GOLM1: variants seen among roughly 807,000 people sequenced by gnomAD.
GOLM1 encodes the protein golgi membrane protein 1, also known as epididymis luminal protein 46.
A neutral mutation model predicts 50.5 loss-of-function variants in GOLM1; 31 were observed. The ratio of observed to expected loss-of-function variants is 0.61; its 90% CI spans 0.46 to 0.83. GOLM1 has a LOEUF of 0.83. Among genes scored for constraint, GOLM1 ranks in the 40% least tolerant of loss-of-function variants. The pLI, the probability that GOLM1 is intolerant of heterozygous loss-of-function variation, is 0.00. For synonymous variants in GOLM1, 178 were observed against 192.8 expected, an observed-to-expected ratio of 0.92 and a Z score of 0.64; for missense variants, 491 against 501.3, an observed-to-expected ratio of 0.98 and a Z score of 0.20.
intron 3 of GOLM1, among the ~76,000 whole-genome samples, chr9:86,062,811 T>G (rs1834200374): frequency 2.6e-5 from 4 of 152,128 alleles, no homozygotes; most frequent in Admixed American, 2.6e-4. Context: ...AACCTACACG[T>G]GACTTGGGTC....
intron 5 of GOLM1, among the ~76,000 whole-genome samples, chr9:86,041,491 T>C (rs1404091094): frequency 6.6e-6 from 1 of 152,162 alleles, no homozygotes; most frequent in African/African-American, 2.4e-5. Context: ...TGGGGAGCTT[T>C]CTGGCTGGGG....
intron 9 of GOLM1, among the ~76,000 whole-genome samples, chr9:86,031,491 C>CA (rs1284408068): frequency 4.6e-5 from 5 of 109,422 alleles, no homozygotes; most frequent in East Asian, 6.3e-4. Flanking sequence ...GACGGAGTTT[C>CA]ACTCTTCTTG....
intron 6 of GOLM1, among the ~76,000 whole-genome samples, chr9:86,037,886 G>A (rs1833197254): frequency 6.6e-6 from 1 of 151,702 alleles, no homozygotes; most frequent in African/African-American, 2.4e-5. Context: ...CAGGCGTGGT[G>A]GCTAATGCCT....
chr9:86,078,488 C>T (rs906838869), intron 2 of GOLM1, among the ~76,000 whole-genome samples: 1 of 152,098 alleles, frequency 6.6e-6, no homozygotes, highest in African/African-American at 2.4e-5. Context: ...AGGACTTAGA[C>T]AGCAAGGGTA....
intron 3 of GOLM1, among the ~76,000 whole-genome samples, chr9:86,072,262 T>G (rs1834471348): frequency 6.6e-6 from 1 of 152,188 alleles, no homozygotes. Context: ...TTATGATGTT[T>G]TTTGCTTTAA....
chr9:86,055,112 C>T (rs955325997), intron 3 of GOLM1, among the ~76,000 whole-genome samples: 2 of 152,208 alleles, frequency 1.3e-5, no homozygotes, highest in African/African-American at 4.8e-5. Context: ...TGTTTATGAA[C>T]ACAGGGATGC....
At chr9:86,071,008 T>C (rs1286910590) in intron 3 of GOLM1, among the ~76,000 whole-genome samples, 1 of 152,054 alleles carries the variant, frequency 6.6e-6, no homozygotes, top group African/African-American at 2.4e-5. Context: ...CCAGACTCTT[T>C]TGACCATGAC....
At chr9:86,046,449 C>T (rs201724840) in intron 5 of GOLM1, 21 bp downstream of exon 5, 10 of 1,447,576 alleles carry the variant, frequency 6.9e-6, no homozygotes, top group Admixed American at 3.4e-5. Context: ...CACTGTGGCA[C>T]GCGCTCTGAG....
intron 3 of GOLM1, among the ~76,000 whole-genome samples, chr9:86,060,989 A>ATGTTT (rs1834147540): frequency 6.8e-6 from 1 of 147,566 alleles, no homozygotes; most frequent in Non-Finnish European, 1.5e-5. Context: ...GAATTCCTGG[A>ATGTTT]TGTTTTGGTA....
At chr9:86,040,209 G>T (rs1833292287) in intron 6 of GOLM1, among the ~76,000 whole-genome samples, 1 of 152,150 alleles carries the variant, frequency 6.6e-6, no homozygotes, top group Admixed American at 6.5e-5. Flanking sequence ...CCCATGAATT[G>T]TAAATTTTCT....
At chr9:86,060,590 A>G (rs889955131) in intron 3 of GOLM1, among the ~76,000 whole-genome samples, 1 of 152,122 alleles carries the variant, frequency 6.6e-6, no homozygotes, top group Non-Finnish European at 1.5e-5. Context: ...AAGAAGTTAC[A>G]TAACACACAG....
intron 1 of GOLM1, among the ~76,000 whole-genome samples, chr9:86,086,889 T>G (rs778430305): frequency 6.6e-6 from 1 of 152,208 alleles, no homozygotes; most frequent in African/African-American, 2.4e-5. Context: ...GGCAGCATGA[T>G]GCCTCCAGCT....
chr9:86,071,486 C>G (rs1451965210), intron 3 of GOLM1, among the ~76,000 whole-genome samples: 1 of 151,960 alleles, frequency 6.6e-6, no homozygotes, highest in Non-Finnish European at 1.5e-5. Flanking sequence ...CGAGACCAGC[C>G]TGGCCAACAC....
chr9:86,098,433 T>C (rs539085055), intron 1 of GOLM1, among the ~76,000 whole-genome samples: 80 of 152,302 alleles, frequency 5.3e-4, no homozygotes, highest in African/African-American at 1.7e-3. Flanking sequence ...CGCTGCTAAA[T>C]ACTTCATCAG....
chr9:86,081,165 G>T (rs1471505618), intron 1 of GOLM1, among the ~76,000 whole-genome samples: 1 of 151,544 alleles, frequency 6.6e-6, no homozygotes, highest in Non-Finnish European at 1.5e-5. Context: ...TGGGATTACA[G>T]GTATGAGCCA....
chr9:86,100,033 C>G (rs114222338), upstream of GOLM1: 9 of 152,356 alleles, frequency 5.9e-5, no homozygotes, highest in East Asian at 1.7e-3. Flanking sequence ...ACAAAATTGT[C>G]TTTTTTCTCC....
chr9:86,087,919 G>C (rs1410046349), intron 1 of GOLM1, among the ~76,000 whole-genome samples: 1 of 152,100 alleles, frequency 6.6e-6, no homozygotes, highest in Non-Finnish European at 1.5e-5. Flanking sequence ...TTGTGTTTAG[G>C]CCAGGTTTTG....
intron 6 of GOLM1, chr9:86,036,797 G>A: frequency 2.6e-6 from 1 of 382,250 alleles, no homozygotes; most frequent in Non-Finnish European, 4.7e-6. Flanking sequence ...CTAGGCGGAA[G>A]ATCAACAACA....
At chr9:86,053,528 T>A (rs965439463) in intron 3 of GOLM1, among the ~76,000 whole-genome samples, 21 of 528 alleles carry the variant, frequency 0.04, no homozygotes, top group African/African-American at 0.041. Flanking sequence ...AACACACCAC[T>A]CCACACCAAA....
Sources: allele counts gnomAD v4.1 joint callset (sites outside exome capture counted in the v4.1 genomes callset), GRCh38; gene constraint gnomAD v4.1.1; transcripts MANE v1.5; gene names NCBI Gene and HGNC (gene_info 2026-07-23, HGNC 2026-07-21).